The following FYN variants were observed in gnomAD, a reference collection of about 807,000 sequenced individuals.
FYN encodes the protein tyrosine-protein kinase Fyn.
In FYN, 10 loss-of-function variants were observed where a neutral mutation model predicts 70.2. That is an observed-to-expected ratio of 0.14 (90% confidence interval 0.09 to 0.24). The LOEUF is 0.24. FYN is among the 10% of genes least tolerant of loss of function. FYN has a pLI of 1.00. For synonymous variants in FYN, 236 were observed against 248.6 expected (o/e 0.95, Z 0.48); for missense variants, 319 against 673.1 (o/e 0.47, Z 5.82).
intron 13 of FYN, among the ~76,000 whole-genome samples, chr6:111,673,374 A>G (rs1376051116): frequency 1.3e-5 from 2 of 152,078 alleles, no homozygotes; most frequent in East Asian, 3.9e-4. Flanking sequence ...GAATTTGTCA[A>G]TTTTGCCTCC....
At chr6:111,729,897 A>C (rs1307401820) in intron 3 of FYN, among the ~76,000 whole-genome samples, 3 of 152,170 alleles carry the variant, frequency 2.0e-5, no homozygotes, top group African/African-American at 7.2e-5. Context: ...TATACCAAGA[A>C]TGTACTTTTT....
intron 12 of FYN, among the ~76,000 whole-genome samples, chr6:111,684,086 G>A (rs897160527): frequency 1.3e-5 from 2 of 152,144 alleles, no homozygotes; most frequent in African/African-American, 4.8e-5. Flanking sequence ...ATGTTACAAT[G>A]GGTTAAGATT....
chr6:111,829,412 A>G (rs1428072875), intron 2 of FYN, among the ~76,000 whole-genome samples: 1 of 152,220 alleles, frequency 6.6e-6, no homozygotes, highest in Admixed American at 6.5e-5. Context: ...AAAAGTACCA[A>G]GGGCTATTCA....
chr6:111,663,163 T>C (rs752309390), intron 13 of FYN, among the ~76,000 whole-genome samples: 17 of 152,238 alleles, frequency 1.1e-4, no homozygotes, highest in Admixed American at 2.6e-4. Context: ...GGTTGCTTCC[T>C]GGCCGGTGAG....
chr6:111,746,154 T>C (rs536494611), intron 3 of FYN, among the ~76,000 whole-genome samples: 6 of 152,326 alleles, frequency 3.9e-5, no homozygotes, highest in African/African-American at 1.4e-4. Context: ...GATTTTTTAG[T>C]TCCCTCTTCT....
chr6:111,687,774 A>C (rs1799085974), intron 12 of FYN, among the ~76,000 whole-genome samples: 1 of 152,238 alleles, frequency 6.6e-6, no homozygotes, highest in Non-Finnish European at 1.5e-5. Flanking sequence ...CTTTATGGTT[A>C]TTCACAGGGA....
At chr6:111,837,404 C>T (rs568883181) in intron 2 of FYN, among the ~76,000 whole-genome samples, 1 of 152,204 alleles carries the variant, frequency 6.6e-6, no homozygotes, top group South Asian at 2.1e-4. Flanking sequence ...AAATCCTCCC[C>T]CGACACAAAG....
chr6:111,853,850 T>G (rs1773752044), intron 1 of FYN, among the ~76,000 whole-genome samples: 1 of 152,176 alleles, frequency 6.6e-6, no homozygotes, highest in Non-Finnish European at 1.5e-5. Context: ...AATTTCTGCC[T>G]TGAAGTGATC....
chr6:111,741,648 C>T (rs746216773), intron 3 of FYN, among the ~76,000 whole-genome samples: 1 of 152,028 alleles, frequency 6.6e-6, no homozygotes, highest in East Asian at 1.9e-4. Flanking sequence ...CCACAAGATG[C>T]CAGAATTAGA....
chr6:111,752,137 T>C (rs745372956), intron 3 of FYN, among the ~76,000 whole-genome samples: 10 of 152,184 alleles, frequency 6.6e-5, no homozygotes, highest in African/African-American at 2.2e-4. Context: ...TAGACAAATA[T>C]GTTAATACTG....
At chr6:111,866,729 C>G (rs1039004376) in intron 1 of FYN, among the ~76,000 whole-genome samples, 1 of 152,220 alleles carries the variant, frequency 6.6e-6, no homozygotes, top group Non-Finnish European at 1.5e-5. Context: ...GTTGCTTAAC[C>G]TCTTCATTTA....
chr6:111,720,211 T>C (rs754063804), intron 3 of FYN, 149 bp from the exon 4 acceptor site: 38 of 872,982 alleles, frequency 4.4e-5, no homozygotes, highest in Admixed American at 9.1e-5. Flanking sequence ...GCTGGGGAGA[T>C]GGTTAGGAGG....
At chr6:111,786,328 T>C (rs544495772) in intron 2 of FYN, among the ~76,000 whole-genome samples, 3 of 151,834 alleles carry the variant, frequency 2.0e-5, no homozygotes, top group East Asian at 2.0e-4. Flanking sequence ...TTTGTCCTTG[T>C]GATAGTTTGC....
chr6:111,779,388 A>G (rs1323392835), intron 3 of FYN, among the ~76,000 whole-genome samples: 2 of 152,196 alleles, frequency 1.3e-5, no homozygotes, highest in Non-Finnish European at 2.9e-5. Flanking sequence ...AGCATAGACA[A>G]AAACGTAAAA....
intron 2 of FYN, among the ~76,000 whole-genome samples, chr6:111,806,010 T>C (rs561389706): frequency 6.6e-6 from 1 of 152,156 alleles, no homozygotes; most frequent in African/African-American, 2.4e-5. Context: ...ACCCTGTAGA[T>C]AAGGGAAAAA....
rs1454042675 is a variant in FYN, at chr6:111,717,461, C to T, written c.247+2344G>A. ...ACCTACAGAAATGACAGGGAGCCCA[C>T]TTTTTTTTTTTTCTTTTGAGATGGA... On this transcript the variant is annotated intron_variant, in intron 4 of 13. Coordinates refer to ENST00000354650, the MANE Select transcript of FYN (RefSeq NM_002037.5). Among the ~76,000 whole-genome samples the T allele has an allele frequency of 1.3e-4, 19 of 145,996 alleles. No individual in the cohort carries two copies. The Admixed American group carries it at 1.3e-3, about 10-fold the overall frequency.
chr6:111,762,660 A>G (rs1008918410), intron 3 of FYN, among the ~76,000 whole-genome samples: 1 of 152,182 alleles, frequency 6.6e-6, no homozygotes, highest in Non-Finnish European at 1.5e-5. Context: ...GTATTTTGAA[A>G]TGGCCCTGCA....
At chr6:111,698,199 T>C (rs1168771846) in intron 9 of FYN, among the ~76,000 whole-genome samples, 1 of 151,750 alleles carries the variant, frequency 6.6e-6, no homozygotes, top group Non-Finnish European at 1.5e-5. Flanking sequence ...AATGGTGCGA[T>C]CTCCGCTCAC....
chr6:111,869,177 T>C (rs1774199169), intron 1 of FYN, among the ~76,000 whole-genome samples: 1 of 152,228 alleles, frequency 6.6e-6, no homozygotes, highest in South Asian at 2.1e-4. Flanking sequence ...ACCCTGCTCA[T>C]GGAGATTTGG....
Sources: allele counts gnomAD v4.1 joint callset (sites outside exome capture counted in the v4.1 genomes callset), GRCh38; gene constraint gnomAD v4.1.1; transcripts MANE v1.5; gene names NCBI Gene and HGNC (gene_info 2026-07-23, HGNC 2026-07-21).